CACNA1C: variants seen among roughly 807,000 people sequenced by gnomAD.
CACNA1C encodes voltage-dependent L-type calcium channel subunit alpha-1C.
A neutral mutation model predicts 229.0 loss-of-function variants in CACNA1C; 30 were observed. The ratio of observed to expected loss-of-function variants is 0.13; its 90% confidence interval spans 0.10 to 0.18. The LOEUF (loss-of-function observed/expected upper bound fraction) is 0.18. CACNA1C is among the 10% of genes least tolerant of loss of function. The pLI is 1.00. For missense variants in CACNA1C, 1,658 were observed against 2,845.0 expected, an observed-to-expected ratio of 0.58 and a Z score of 9.49; for synonymous variants, 1,114 against 1,132.5, an observed-to-expected ratio of 0.98 and a Z score of 0.33.
intron 10 of CACNA1C, among the ~76,000 whole-genome samples, chr12:2,550,993 T>C (rs1057427546): frequency 4.6e-5 from 7 of 152,182 alleles, no homozygotes; most frequent in African/African-American, 1.7e-4. Context: ...ATTGTCAAAA[T>C]GTTGTTAAAA....
chr12:2,548,254 A>G (rs1176684223), intron 9 of CACNA1C, among the ~76,000 whole-genome samples: 1 of 152,150 alleles, frequency 6.6e-6, no homozygotes, highest in South Asian at 2.1e-4. Context: ...CTATAAAGTG[A>G]GTGTAATGCT....
At position 2,602,347 on chromosome 12, in the gene CACNA1C, T is replaced by C. The variant is rs894338933; in HGVS notation, c.2960+387T>C. Reference sequence around the variant, plus strand: ...CCCTGACCTGGACCCTCCTTCTCCCTTTCTCTCCCCTCTCTCTCCAGCCAA... The same window carrying C: ...CCCTGACCTGGACCCTCCTTCTCCCCTTCTCTCCCCTCTCTCTCCAGCCAA... On this transcript the variant is annotated intron_variant, in intron 22 of 46. Transcript: ENST00000399655. The surrounding 1 kb of genome is among the most constrained non-coding windows in gnomAD (Gnocchi z 4.4). Among the ~76,000 whole-genome samples, 1 of 152,082 alleles carries C rather than the reference T, an allele frequency of 6.6e-6. No individual in the cohort carries two copies. Among genetic ancestry groups the C allele is most frequent in the Non-Finnish European group, 1.5e-5 (1 of 68,012 alleles).
At chr12:2,171,310 G>A (rs2096467295) in intron 3 of CACNA1C, among the ~76,000 whole-genome samples, 1 of 152,062 alleles carries the variant, frequency 6.6e-6, no homozygotes, top group Non-Finnish European at 1.5e-5. Context: ...GTTCGCCTGA[G>A]TCCCCCACCC....
At chr12:2,419,797 C>G (rs575912614) in intron 3 of CACNA1C, among the ~76,000 whole-genome samples, 23 of 152,250 alleles carry the variant, frequency 1.5e-4, no homozygotes, top group African/African-American at 5.3e-4. Context: ...GGCCTCTCCC[C>G]CTAAGAGATT....
In CACNA1C at chr12:2,632,666, G is replaced by GT. The variant is rs2091036253; in HGVS notation, c.3829-1630dup. ...AGAATCTCTCCTTCAGGGCACCACTGTCTTCATCCCCTTCTAGGCAGCCAG... is the reference window on the plus strand; with the variant it reads ...AGAATCTCTCCTTCAGGGCACCACTGTTCTTCATCCCCTTCTAGGCAGCCAG... On this transcript the variant is annotated intron_variant, in intron 29 of 46. Transcript: ENST00000399655. This position sits in a 1 kb window ranked among gnomAD's most constrained non-coding sequence, Gnocchi z 4.1. Among the ~76,000 whole-genome samples, 1 of 152,164 alleles carries GT rather than the reference G, an allele frequency of 6.6e-6. No homozygotes were observed. Among genetic ancestry groups the GT allele is most frequent in the African/African-American group, 2.4e-5 (1 of 41,424 alleles).
chr12:2,002,365 GTCTC>G (rs1322264662), intron 1 of CACNA1C, among the ~76,000 whole-genome samples: 1 of 152,200 alleles, frequency 6.6e-6, no homozygotes, highest in Non-Finnish European at 1.5e-5. Context: ...GTTGAACTAG[GTCTC>G]TCTGTTTTTC....
Position 2,081,772 on chromosome 12 carries a change from A to G in CACNA1C, c.49+28161A>G, listed in dbSNP as rs192551655. Among the ~76,000 whole-genome samples, 2 of 152,242 alleles carry G rather than the reference A, an allele frequency of 1.3e-5. 1 individual carries two copies. Among genetic ancestry groups the G allele is most frequent in the African/African-American group, 4.8e-5 (2 of 41,522 alleles). ...AATTTAGGATGGGGTGGGTGCAAAG[A>G]TCAGAATTTAATGTGTTCTAAGGTC... On this transcript the variant is annotated intron_variant, in intron 1 of 46. Transcript: ENST00000399655.
chr12:2,178,889 C>A (rs2154277433), intron 3 of CACNA1C, among the ~76,000 whole-genome samples: 1 of 152,220 alleles, frequency 6.6e-6, no homozygotes, highest in Admixed American at 6.5e-5. Flanking sequence ...TGACAAAACC[C>A]TGTCTGTACT....
At chr12:1,995,777 C>A (rs1206906777) in intron 1 of CACNA1C, among the ~76,000 whole-genome samples, 1 of 152,200 alleles carries the variant, frequency 6.6e-6, no homozygotes, top group Non-Finnish European at 1.5e-5. Context: ...AACCATAAAC[C>A]CTCATCGGTT....
At position 2,608,746 on chromosome 12, in the gene CACNA1C, G is replaced by A. The variant is rs2076355166; in HGVS notation, c.3558+34G>A. ...CTAGGAAGGAGCGGAGGGAAGCGGG[G>A]CCCACGGAGGGAATGGCAGCCTGCG... is the stretch of plus-strand genomic sequence containing the variant. On this transcript the variant is annotated intron_variant, in intron 27 of 46. Coordinates refer to ENST00000399655, the MANE Select transcript of CACNA1C (RefSeq NM_000719.7). This position sits in a 1 kb window ranked among gnomAD's most constrained non-coding sequence, Gnocchi z 4.2. 1 of 1,608,110 alleles carries A rather than the reference G, an allele frequency of 6.2e-7. No individual in the cohort carries two copies. The highest frequency in any genetic ancestry group is 1.3e-5 in the African/African-American group (1 of 74,918).
chr12:2,274,464 G>A (rs147788034), intron 3 of CACNA1C, among the ~76,000 whole-genome samples: 121 of 152,340 alleles, frequency 7.9e-4, no homozygotes, highest in Middle Eastern at 3.4e-3. Flanking sequence ...CAGCCACTGG[G>A]TTGCAGTGAA....
At chr12:2,052,266 G>A (rs1219737045), upstream of CACNA1C, among the ~76,000 whole-genome samples, 1 of 152,090 alleles carries the variant, frequency 6.6e-6, no homozygotes, top group Non-Finnish European at 1.5e-5. Flanking sequence ...CAGACATCTG[G>A]GCACCGCTGC....
At chr12:2,250,114 G>A (rs895771168) in intron 3 of CACNA1C, among the ~76,000 whole-genome samples, 1 of 152,134 alleles carries the variant, frequency 6.6e-6, no homozygotes, top group Non-Finnish European at 1.5e-5. Flanking sequence ...GGCCTGCCTT[G>A]CCTTCTCTTT....
At chr12:2,180,665 A>T (rs1466129010) in intron 3 of CACNA1C, among the ~76,000 whole-genome samples, 2 of 152,198 alleles carry the variant, frequency 1.3e-5, no homozygotes, top group Non-Finnish European at 2.9e-5. Flanking sequence ...GGGAGGCCGT[A>T]AAGTGAGGGG....
intron 9 of CACNA1C, among the ~76,000 whole-genome samples, chr12:2,543,922 C>G (rs2099876580): frequency 6.6e-6 from 1 of 152,208 alleles, no homozygotes; most frequent in African/African-American, 2.4e-5. Flanking sequence ...CTCTCCACCA[C>G]TAAGCAGGGC....
At chr12:2,304,527 C>T (rs765563392) in intron 3 of CACNA1C, among the ~76,000 whole-genome samples, 12 of 152,164 alleles carry the variant, frequency 7.9e-5, no homozygotes, top group Non-Finnish European at 1.5e-4. Flanking sequence ...TGCCACCTCC[C>T]GAGCAGGGCT....
chr12:2,614,087 G>A (rs2079202544), intron 29 of CACNA1C: 1 of 152,176 alleles, frequency 6.6e-6, no homozygotes, highest in South Asian at 2.1e-4. Context: ...ACCTGCAGGA[G>A]CCTCCGTCCT....
intron 3 of CACNA1C, among the ~76,000 whole-genome samples, chr12:2,434,179 G>T (rs1008405199): frequency 9.2e-5 from 14 of 152,058 alleles, no homozygotes; most frequent in Admixed American, 1.3e-4. Context: ...ATAACTATCT[G>T]TATAGGTTGT....
intron 3 of CACNA1C, among the ~76,000 whole-genome samples, chr12:2,274,190 A>G (rs1290030945): frequency 6.6e-6 from 1 of 152,270 alleles, no homozygotes; most frequent in Non-Finnish European, 1.5e-5. Context: ...TCTAAGCTGG[A>G]CGTCCAGCAG....
Sources: gnomAD v4.1 joint callset for allele counts (sites outside exome capture counted in the v4.1 genomes callset) on GRCh38, gnomAD v4.1.1 for gene constraint, Gnocchi (gnomAD v3.1) non-coding constraint, MANE v1.5 for transcripts, NCBI Gene and HGNC (gene_info 2026-07-23, HGNC 2026-07-21) for gene names.